PCDHGB2: variants seen among roughly 807,000 people sequenced by gnomAD.
PCDHGB2 encodes protocadherin gamma subfamily B, 2.
Under a neutral mutation model 59.3 loss-of-function variants are expected in PCDHGB2, and 55 were observed. That is an observed-to-expected ratio of 0.93 (90% CI 0.75 to 1.16). The LOEUF (loss-of-function observed/expected upper bound fraction) is 1.16. PCDHGB2 is among the 50% of genes most tolerant of loss of function. PCDHGB2 has a pLI of 0.00. For synonymous variants in PCDHGB2, 516 were observed against 512.0 expected (o/e 1.01, Z -0.11); for missense variants, 1,228 against 1,198.5 (o/e 1.02, Z -0.36).
At position 141,444,152 on chromosome 5, in the gene PCDHGB2, A is replaced by ATT. The variant is rs747671382; in HGVS notation, c.2422-50620_2422-50619dup. ...GATATGTGTCACTTGTGTGTACTGG[A>ATT]TTTTTTTTTTTTTTTTTTTTTTTTT... On this transcript the variant is annotated intron_variant, in intron 1 of 3. Coordinates refer to ENST00000522605, the MANE Select transcript of PCDHGB2 (RefSeq NM_018923.3). Among the ~76,000 whole-genome samples, 286 of 33,894 alleles carry ATT rather than the reference A, an allele frequency of 8.4e-3. 107 individuals carry two copies. The highest frequency in any genetic ancestry group is 0.011 in the African/African-American group (76 of 7,180). The allele number at this position is 33,894 out of a possible 152,430, so 22.2% of individuals were successfully genotyped here. A position where few individuals can be genotyped will look rare whatever the true frequency, so the allele number is the denominator to read the frequency against.
At position 141,361,801 on chromosome 5, in the gene PCDHGB2, A is replaced by C. The variant is rs1312731980; in HGVS notation, c.1666A>C (p.Asn556His). The C allele has an allele frequency of 6.2e-7, 1 of 1,613,040 alleles. No homozygotes were observed. The highest frequency in any genetic ancestry group is 8.5e-7 in the Non-Finnish European group (1 of 1,179,730). The change falls in exon 1 of 4, where the codon AAT becomes CAT. Residue 556 changes from asparagine to histidine, a missense_variant. Transcript: ENST00000522605. ...VSLRVLVGDL[N>H]DNAPRVLYPA... ...CCTGCGCGTGTTAGTGGGCGACCTCAATGACAATGCGCCACGGGTGCTGTA... is the reference window on the plus strand; with the variant it reads ...CCTGCGCGTGTTAGTGGGCGACCTCCATGACAATGCGCCACGGGTGCTGTA...
At chr5:141,449,542 T>C (rs1379019468) in intron 1 of PCDHGB2, among the ~76,000 whole-genome samples, 2 of 142,482 alleles carry the variant, frequency 1.4e-5, no homozygotes, top group African/African-American at 5.3e-5. Context: ...TGAGCCGAGA[T>C]CGCACCACTG....
At chr5:141,496,178 C>T (rs1481326898) in intron 2 of PCDHGB2, among the ~76,000 whole-genome samples, 2 of 152,080 alleles carry the variant, frequency 1.3e-5, no homozygotes, top group Admixed American at 1.3e-4. Flanking sequence ...CCCATCCAAG[C>T]AGCCCCAGCT....
At chr5:141,430,977 A>C (rs761722055) in intron 1 of PCDHGB2, 1 of 1,613,290 alleles carries the variant, frequency 6.2e-7, no homozygotes, top group South Asian at 1.1e-5. Context: ...GGTAGGACGC[A>C]GCTTTTCGCC....
chr5:141,466,450 G>A lies in PCDHGB2; in HGVS notation c.2422-28357G>A, dbSNP rs139024933. Reference sequence around the variant, plus strand: ...TAAGCTGAACCGAGATGTCTATGGTGTTGGCTATTGTTTCTGCTGTTAATT... The same window carrying A: ...TAAGCTGAACCGAGATGTCTATGGTATTGGCTATTGTTTCTGCTGTTAATT... On this transcript the variant is annotated intron_variant, in intron 1 of 3. Coordinates refer to ENST00000522605, the MANE Select transcript of PCDHGB2 (RefSeq NM_018923.3). Among the ~76,000 whole-genome samples, 714 of 152,290 alleles carry A rather than the reference G, an allele frequency of 4.7e-3. 2 individuals are homozygous for A. Among genetic ancestry groups the A allele is most frequent in the Non-Finnish European group, 7.0e-3 (479 of 68,028 alleles).
At chr5:141,433,070 CCCCAG>C in intron 1 of PCDHGB2, 1 of 1,614,174 alleles carries the variant, frequency 6.2e-7, no homozygotes, top group Non-Finnish European at 8.5e-7. Context: ...CCTGATCTTC[CCCCAG>C]CCCAACTATG....
chr5:141,498,042 A>G (rs1189035278), intron 2 of PCDHGB2, among the ~76,000 whole-genome samples: 2 of 152,238 alleles, frequency 1.3e-5, no homozygotes, highest in Non-Finnish European at 2.9e-5. Flanking sequence ...AATAATTACA[A>G]AAATAAATGT....
Position 141,432,617 on chromosome 5 carries a change from G to T in PCDHGB2, c.2422-62190G>T, listed in dbSNP as rs2097521313. The T allele has an allele frequency of 6.2e-7, 1 of 1,613,578 alleles. No homozygotes were observed. The highest frequency in any genetic ancestry group is 1.3e-5 in the African/African-American group (1 of 74,842). On this transcript the variant is annotated intron_variant, in intron 1 of 3. Coordinates refer to ENST00000522605, the MANE Select transcript of PCDHGB2 (RefSeq NM_018923.3). This position sits in a 1 kb window ranked among gnomAD's most constrained non-coding sequence, Gnocchi z 6.0. ...CAGCGAGCCGGGACTCTTCTCGGTGGGTCTGCACACGGGCGAGGTGCGCAC... is the reference window on the plus strand; with the variant it reads ...CAGCGAGCCGGGACTCTTCTCGGTGTGTCTGCACACGGGCGAGGTGCGCAC...
chr5:141,400,646 CTGTCCT>C, intron 1 of PCDHGB2: 1 of 1,222,508 alleles, frequency 8.2e-7, no homozygotes, highest in South Asian at 1.4e-5. Flanking sequence ...GCTCAGAAAG[CTGTCCT>C]ACCATTCTTT....
In PCDHGB2 at chr5:141,361,220, C is replaced by G. The variant is rs1466381817; in HGVS notation, c.1085C>G (p.Pro362Arg). 6.2e-7 allele frequency: 1 copy of G among 1,613,950 alleles called. No homozygotes were observed. The highest frequency in any genetic ancestry group is 1.3e-5 in the African/African-American group (1 of 75,022). ...ACTCCCCTACCGGAGGATTCGCCAC[C>G]AGGAACAGTGATCGCCTTGATAAAA... ...VSTPLPEDSP[P>R]GTVIALIKTR... Residue 362 changes from proline (P) to arginine (R), a missense_variant, in exon 1 of 4, where the codon CCA becomes CGA. Around this residue, in one of 3 missense-constraint regions of PCDHGB2, gnomAD observed 781 missense variants for 721.6 expected, o/e 1.08. Coordinates refer to ENST00000522605, the MANE Select transcript of PCDHGB2 (RefSeq NM_018923.3).
chr5:141,382,988 G>T (rs958046112), intron 1 of PCDHGB2: 2 of 1,613,090 alleles, frequency 1.2e-6, no homozygotes, highest in African/African-American at 2.7e-5. Context: ...TGGGCAGGAC[G>T]TATTCTCTAC....
At chr5:141,492,512 T>A (rs2099741406) in intron 1 of PCDHGB2, among the ~76,000 whole-genome samples, 1 of 152,116 alleles carries the variant, frequency 6.6e-6, no homozygotes, top group Admixed American at 6.5e-5. Flanking sequence ...GAGCCTCCTC[T>A]CACCTCTCCC....
In PCDHGB2 at chr5:141,431,501, C is replaced by G; in HGVS notation, c.2422-63306C>G. On this transcript the variant is annotated intron_variant, in intron 1 of 3. Coordinates refer to ENST00000522605, the MANE Select transcript of PCDHGB2 (RefSeq NM_018923.3). This position sits in a 1 kb window ranked among gnomAD's most constrained non-coding sequence, Gnocchi z 4.8. ...ACCAGCGTTTGCTCAGCCCGAGTAC[C>G]GCGCGAGCGTTCCGGAGAATCTGGC... is the stretch of plus-strand genomic sequence containing the variant. 1 of 1,614,010 alleles carries G rather than the reference C, an allele frequency of 6.2e-7. No homozygotes were observed. The highest frequency in any genetic ancestry group is 8.5e-7 in the Non-Finnish European group (1 of 1,180,034).
chr5:141,506,228 A>T (rs538354130), intron 3 of PCDHGB2, among the ~76,000 whole-genome samples: 1 of 152,266 alleles, frequency 6.6e-6, no homozygotes, highest in East Asian at 1.9e-4. Context: ...AGGCAGGAGG[A>T]TCATGAGGTC....
chr5:141,418,618 A>T, intron 1 of PCDHGB2: 5 of 1,614,046 alleles, frequency 3.1e-6, no homozygotes, highest in Non-Finnish European at 4.2e-6. Context: ...GCCTTCGGGA[A>T]GACGTGCCTC....
intron 1 of PCDHGB2, chr5:141,366,889 A>G (rs1764852255): frequency 1.6e-6 from 2 of 1,264,154 alleles, no homozygotes; most frequent in African/African-American, 1.5e-5. Flanking sequence ...TTTTTTTTAT[A>G]TAATTCATGC....
In PCDHGB2 at chr5:141,400,299, A is replaced by G. The variant is rs374558900; in HGVS notation, c.2421+37743A>G. The G allele has an allele frequency of 9.8e-5, 158 of 1,613,834 alleles. 1 individual carries two copies. In the East Asian group the frequency reaches 1.2e-3, roughly 12 times the overall value. ...GCCCTGCCGCCTGGAGCTGCTTCCAACCTGGTCTCTGTGTCAAGTCTGGAC... is the reference window on the plus strand; with the variant it reads ...GCCCTGCCGCCTGGAGCTGCTTCCAGCCTGGTCTCTGTGTCAAGTCTGGAC... On this transcript the variant is annotated intron_variant, in intron 1 of 3. Coordinates refer to ENST00000522605, the MANE Select transcript of PCDHGB2 (RefSeq NM_018923.3).
intron 1 of PCDHGB2, among the ~76,000 whole-genome samples, chr5:141,471,978 A>C (rs1246474598): frequency 1.3e-5 from 2 of 152,184 alleles, no homozygotes; most frequent in African/African-American, 4.8e-5. Flanking sequence ...TTACTGTATA[A>C]ATTTATTAAA....
chr5:141,409,256 C>G (rs1212394349), intron 1 of PCDHGB2: 2 of 1,613,918 alleles, frequency 1.2e-6, no homozygotes, highest in African/African-American at 2.7e-5. Context: ...CATCACTTCT[C>G]TCTCTGATCA....
Sources: allele counts gnomAD v4.1 joint callset (sites outside exome capture counted in the v4.1 genomes callset), GRCh38; gene constraint gnomAD v4.1.1; regional missense constraint gnomAD v4.1.1; non-coding constraint Gnocchi (gnomAD v3.1); transcripts MANE v1.5; gene names NCBI Gene and HGNC (gene_info 2026-07-23, HGNC 2026-07-21).